The following ATP8B4 variants were observed in gnomAD, a reference collection of about 807,000 sequenced individuals.
The protein encoded by ATP8B4 is ATPase phospholipid transporting 8B4 (putative), also known as probable phospholipid-transporting ATPase IM.
Under a neutral mutation model 145.6 loss-of-function variants are expected in ATP8B4, and 133 were observed. That is an observed-to-expected ratio of 0.91 (90% CI 0.79 to 1.05). ATP8B4 has a LOEUF of 1.05. Ranked by LOEUF, ATP8B4 falls within the 50% of genes least tolerant of loss-of-function variation. ATP8B4 has a pLI of 0.00. For synonymous variants in ATP8B4, 507 were observed against 492.9 expected, an observed-to-expected ratio of 1.03 and a Z score of -0.38; for missense variants, 1,458 against 1,425.2, an observed-to-expected ratio of 1.02 and a Z score of -0.37.
Position 49,858,897 on chromosome 15 carries a change from A to G in ATP8B4, c.*1297T>C, listed in dbSNP as rs2031146580. On this transcript the variant is annotated 3_prime_UTR_variant, in exon 28 of 28. Transcript: ENST00000284509. Reference sequence around the variant, plus strand: ...TGTTTATGAAATAATTATGTTTTTAATAATTTCAGAGTTTGTGCTTTGACA... The same window carrying G: ...TGTTTATGAAATAATTATGTTTTTAGTAATTTCAGAGTTTGTGCTTTGACA... The G allele has an allele frequency of 6.6e-6, 1 of 152,176 alleles. No individual in the cohort carries two copies. The highest frequency in any genetic ancestry group is 1.5e-5 in the Non-Finnish European group (1 of 68,040). The allele number at this position is 152,176 out of a possible 1,614,324, so 9.4% of individuals were successfully genotyped here. A position where few individuals can be genotyped will look rare whatever the true frequency, so the allele number is the denominator to read the frequency against.
intron 20 of ATP8B4, chr15:49,901,893 T>C (rs1172156340): frequency 5.2e-6 from 2 of 383,572 alleles, no homozygotes; most frequent in Non-Finnish European, 1.0e-5. Flanking sequence ...CACCAAAATA[T>C]AGAGGGTTGT....
chr15:50,026,332 C>A (rs2050003741), intron 6 of ATP8B4, among the ~76,000 whole-genome samples: 1 of 152,182 alleles, frequency 6.6e-6, no homozygotes, highest in Admixed American at 6.5e-5. Context: ...CTTCAATGTA[C>A]ATGAGAATCC....
intron 25 of ATP8B4, among the ~76,000 whole-genome samples, chr15:49,869,263 TAAAAA>T (rs71424035): frequency 6.7e-6 from 1 of 149,944 alleles, no homozygotes; most frequent in Non-Finnish European, 1.5e-5. Context: ...ATGAAAAAGT[TAAAAA>T]AAAAATTGAA....
At chr15:49,969,845 C>A (rs2153519495) in intron 13 of ATP8B4, among the ~76,000 whole-genome samples, 1 of 152,308 alleles carries the variant, frequency 6.6e-6, no homozygotes. Flanking sequence ...ACCAATATCC[C>A]TGATGAACAT....
chr15:49,994,228 C>T (rs1340843758), intron 9 of ATP8B4, among the ~76,000 whole-genome samples: 1 of 152,138 alleles, frequency 6.6e-6, no homozygotes, highest in Non-Finnish European at 1.5e-5. Flanking sequence ...CTCCCAGACA[C>T]CTGCCTTCCA....
chr15:50,049,605 T>C (rs1170555427), intron 3 of ATP8B4, among the ~76,000 whole-genome samples: 3 of 152,240 alleles, frequency 2.0e-5, no homozygotes, highest in Admixed American at 6.5e-5. Context: ...AGTGCCGTAA[T>C]GAACATACAA....
chr15:50,073,441 T>G (rs2053981262), intron 3 of ATP8B4, among the ~76,000 whole-genome samples: 1 of 152,186 alleles, frequency 6.6e-6, no homozygotes, highest in African/African-American at 2.4e-5. Context: ...GTGCATAGCA[T>G]TCCATGGTGT....
intron 3 of ATP8B4, among the ~76,000 whole-genome samples, chr15:50,059,471 C>T (rs1056061067): frequency 1.3e-5 from 2 of 152,136 alleles, no homozygotes; most frequent in South Asian, 2.1e-4. Context: ...TAACTGTTAA[C>T]GTACAAAACT....
intron 9 of ATP8B4, among the ~76,000 whole-genome samples, chr15:49,995,215 C>T (rs1015766084): frequency 1.3e-5 from 2 of 152,112 alleles, no homozygotes; most frequent in Non-Finnish European, 2.9e-5. Context: ...GAATTTCTAC[C>T]TCCTCGTAGA....
intron 3 of ATP8B4, among the ~76,000 whole-genome samples, chr15:50,051,221 T>C (rs28547013): frequency 0.027 from 4,052 of 152,280 alleles, 172 homozygotes; most frequent in African/African-American, 0.094. Context: ...TGCTCAGCAC[T>C]TCTCCTTGTT....
intron 14 of ATP8B4, among the ~76,000 whole-genome samples, chr15:49,948,195 T>C (rs944572257): frequency 6.6e-6 from 1 of 151,524 alleles, no homozygotes; most frequent in Non-Finnish European, 1.5e-5. Context: ...TCCCAGCACT[T>C]TGGGAGGTCG....
In ATP8B4 at chr15:49,897,306, C is replaced by T. The variant is rs778134079; in HGVS notation, c.2683G>A (p.Gly895Ser). 4.6e-5 allele frequency: 74 copies of T among 1,607,654 alleles called. No homozygotes were observed. The highest frequency in any genetic ancestry group is 5.9e-5 in the Non-Finnish European group (69 of 1,177,348). ...LVHFWFGFFC[G>S]FSAQTVYDQW... ...CTTTTACCAACCTGGGCTGAGAAAC[C>T]ACAGAAGAAACCAAACCAGAAATGC... The change falls in exon 23 of 28, where the codon GGT (glycine) becomes AGT (serine). Residue 895 changes from glycine to serine, a missense_variant. Physicochemically the swap from Gly to Ser is moderately conservative, Grantham distance 56. Coordinates refer to ENST00000284509, the MANE Select transcript of ATP8B4 (RefSeq NM_024837.4).
chr15:50,042,165 A>AG (rs1346958622), intron 5 of ATP8B4, among the ~76,000 whole-genome samples: 1 of 151,978 alleles, frequency 6.6e-6, no homozygotes, highest in Non-Finnish European at 1.5e-5. Flanking sequence ...AAAAAAAAAA[A>AG]AAAAAACTAA....
At chr15:49,880,527 G>A (rs1330622990) in intron 23 of ATP8B4, 1 of 152,164 alleles carries the variant, frequency 6.6e-6, no homozygotes, top group Non-Finnish European at 1.5e-5. Flanking sequence ...AGTGAAAGTA[G>A]AAGACATTAG....
chr15:50,047,642 G>C (rs1056340409), intron 3 of ATP8B4, among the ~76,000 whole-genome samples, 178 bp from the exon 4 acceptor site: 6 of 151,902 alleles, frequency 3.9e-5, no homozygotes, highest in Non-Finnish European at 8.8e-5. Context: ...CCTGATACTA[G>C]ATGAAATTAC....
rs759815732 is a variant in ATP8B4 at position 50,010,831 on chromosome 15, T to C, written c.435+14A>G. 19 of 1,474,602 alleles carry C rather than the reference T, an allele frequency of 1.3e-5. No homozygotes were observed. Among genetic ancestry groups the C allele is most frequent in the African/African-American group, 4.4e-5 (3 of 68,746 alleles). 91.3% of individuals were successfully genotyped at this position (1,474,602 alleles called of 1,614,324 possible). On this transcript the variant is annotated intron_variant, in intron 7 of 27. Coordinates refer to ENST00000284509, the MANE Select transcript of ATP8B4 (RefSeq NM_024837.4). The stretch of plus-strand genomic sequence containing the variant: ...AATCTGAGATAAATTATTCAAACAA[T>C]ATTGAATACTTACAGCAACAAATTG...
chr15:49,955,141 G>A (rs2043444270), intron 14 of ATP8B4, among the ~76,000 whole-genome samples: 1 of 152,156 alleles, frequency 6.6e-6, no homozygotes, highest in African/African-American at 2.4e-5. Context: ...TGGACACAAA[G>A]ATGGGAACAA....
At chr15:50,003,701 A>T (rs1192490958) in intron 7 of ATP8B4, among the ~76,000 whole-genome samples, 1 of 152,138 alleles carries the variant, frequency 6.6e-6, no homozygotes, top group African/African-American at 2.4e-5. Context: ...GCTCATGTTA[A>T]ACAAAATCCA....
intron 20 of ATP8B4, among the ~76,000 whole-genome samples, chr15:49,905,032 A>T (rs939984774): frequency 6.6e-6 from 1 of 152,224 alleles, no homozygotes; most frequent in East Asian, 1.9e-4. Context: ...AATTGGTGAA[A>T]TGTATTCAAT....
Sources: allele counts gnomAD v4.1 joint callset (sites outside exome capture counted in the v4.1 genomes callset), GRCh38; gene constraint gnomAD v4.1.1; transcripts MANE v1.5; gene names NCBI Gene and HGNC (gene_info 2026-07-23, HGNC 2026-07-21).